The following KLF12 variants were observed in gnomAD, a reference collection of about 807,000 sequenced individuals.
KLF12 encodes KLF transcription factor 12, also known as Krueppel-like factor 12.
Under a neutral mutation model 37.8 loss-of-function variants are expected in KLF12, and 9 were observed. The observed-to-expected ratio is 0.24, with a 90% confidence interval of 0.14 to 0.42. The LOEUF (loss-of-function observed/expected upper bound fraction) is 0.42, where lower values mean the gene tolerates loss of function less well. KLF12 is among the 10% of genes least tolerant of loss of function. KLF12 has a pLI of 1.00. For synonymous variants in KLF12, 208 were observed against 202.1 expected, an observed-to-expected ratio of 1.03 and a Z score of -0.25; for missense variants, 411 against 516.0, an observed-to-expected ratio of 0.80 and a Z score of 1.97.
chr13:74,275,807 CTTCTTTCTTTCTTTCTTTCT>C, the KLF12 span, among the ~76,000 whole-genome samples: 23 of 50,308 alleles, frequency 4.6e-4, no homozygotes, highest in Admixed American at 7.1e-4. Flanking sequence ...TCTTTCTTTC[CTTCTTTCTTTCTTTCTTTCT>C]TTCTTTCTTT....
At chr13:74,268,359 G>A in the KLF12 span, among the ~76,000 whole-genome samples, 2,325 of 152,170 alleles carry the variant, frequency 0.015, 66 homozygotes, top group African/African-American at 0.052. Flanking sequence ...TGTTTTTTCT[G>A]CCTATTATAT....
intron 3 of KLF12, among the ~76,000 whole-genome samples, chr13:73,876,161 A>G (rs1302318061): frequency 6.6e-6 from 1 of 152,204 alleles, no homozygotes; most frequent in Admixed American, 6.5e-5. Context: ...ATAAAAAAAA[A>G]AAAAAAAGGT....
At chr13:74,128,141 A>C (rs1319280198) in intron 1 of KLF12, among the ~76,000 whole-genome samples, 1 of 152,196 alleles carries the variant, frequency 6.6e-6, no homozygotes, top group Non-Finnish European at 1.5e-5. Context: ...CCTGTATTAT[A>C]TAAATGTTAA....
chr13:74,219,295 C>T, the KLF12 span, among the ~76,000 whole-genome samples: 8 of 152,210 alleles, frequency 5.3e-5, no homozygotes, highest in Non-Finnish European at 1.2e-4. Context: ...CCACATGAAA[C>T]ATAATGACCC....
At chr13:74,171,520 C>A in the KLF12 span, among the ~76,000 whole-genome samples, 195 of 152,292 alleles carry the variant, frequency 1.3e-3, no homozygotes, top group African/African-American at 4.5e-3. Flanking sequence ...ACATCTTTGC[C>A]TGTGGAGGCA....
chr13:74,026,160 A>G (rs894533701), intron 1 of KLF12, among the ~76,000 whole-genome samples: 1 of 150,482 alleles, frequency 6.6e-6, no homozygotes, highest in Non-Finnish European at 1.5e-5. Context: ...TTTTGAAGAA[A>G]AAAAAAAAAA....
At chr13:73,867,151 G>T (rs1464232049) in intron 3 of KLF12, among the ~76,000 whole-genome samples, 2 of 152,006 alleles carry the variant, frequency 1.3e-5, no homozygotes, top group Non-Finnish European at 2.9e-5. Context: ...AGTTTTTATG[G>T]TTTTAAAATT....
chr13:74,155,792 C>A, the KLF12 span, among the ~76,000 whole-genome samples: 50 of 152,178 alleles, frequency 3.3e-4, no homozygotes, highest in African/African-American at 1.2e-3. Flanking sequence ...CCTTTCCTTT[C>A]TTTTCTTCGG....
chr13:73,776,402 A>G (rs1458837181), intron 5 of KLF12, among the ~76,000 whole-genome samples: 2 of 152,218 alleles, frequency 1.3e-5, no homozygotes, highest in East Asian at 1.9e-4. Context: ...AGGCCTTGGC[A>G]TCTGAGTGTA....
At chr13:74,280,694 C>A in the KLF12 span, among the ~76,000 whole-genome samples, 1 of 152,180 alleles carries the variant, frequency 6.6e-6, no homozygotes, top group Non-Finnish European at 1.5e-5. Context: ...GTGAAAGAAC[C>A]TTTGGTTTTC....
At chr13:74,053,441 T>G (rs1003867366) in intron 1 of KLF12, among the ~76,000 whole-genome samples, 108 of 152,294 alleles carry the variant, frequency 7.1e-4, no homozygotes, top group Middle Eastern at 3.4e-3. Flanking sequence ...GTCCTTCCCA[T>G]GTATTAATTA....
chr13:73,820,205 T>C (rs961435349), intron 4 of KLF12, among the ~76,000 whole-genome samples: 3 of 152,200 alleles, frequency 2.0e-5, no homozygotes, highest in Non-Finnish European at 4.4e-5. Flanking sequence ...GAATCATCTA[T>C]GACATTAACA....
At chr13:73,917,210 C>T (rs1330815101) in intron 3 of KLF12, among the ~76,000 whole-genome samples, 1 of 152,146 alleles carries the variant, frequency 6.6e-6, no homozygotes, top group Admixed American at 6.5e-5. Flanking sequence ...AAAATGATTA[C>T]TTTATAAATG....
chr13:73,787,921 G>A (rs1881454486), intron 5 of KLF12, among the ~76,000 whole-genome samples: 1 of 152,062 alleles, frequency 6.6e-6, no homozygotes, highest in South Asian at 2.1e-4. Context: ...AAGGAAGTCA[G>A]GGAAAAGAGA....
In KLF12 at chr13:73,762,005, G is replaced by T. The variant is rs558888483; in HGVS notation, c.869+2933C>A. Among the ~76,000 whole-genome samples, 118 of 152,330 alleles carry T rather than the reference G, an allele frequency of 7.7e-4. 4 individuals carry two copies. The South Asian group carries it at 0.023, about 29-fold the overall frequency. ...AAACTTTCTGATGAACAGAGTTTAT[G>T]TCTGGCCTGGCTTGCTACCTTTAAT... On this transcript the variant is annotated intron_variant, in intron 6 of 7. Coordinates refer to ENST00000377669, the MANE Select transcript of KLF12 (RefSeq NM_007249.5).
At chr13:73,919,938 T>C (rs75148894) in intron 3 of KLF12, among the ~76,000 whole-genome samples, 2,249 of 152,268 alleles carry the variant, frequency 0.015, 54 homozygotes, top group African/African-American at 0.049. Flanking sequence ...CTGAATTTTC[T>C]CAACTTATAG....
the KLF12 span, among the ~76,000 whole-genome samples, chr13:74,201,182 A>G: frequency 1.3e-5 from 2 of 152,312 alleles, no homozygotes; most frequent in African/African-American, 4.8e-5. Context: ...AGTAGGATAC[A>G]AGGAGAGATG....
At chr13:73,831,027 C>T (rs113741069) in intron 4 of KLF12, among the ~76,000 whole-genome samples, 17 of 83,748 alleles carry the variant, frequency 2.0e-4, no homozygotes, top group African/African-American at 6.6e-4. Context: ...CACACACACG[C>T]ATACTTATTT....
At chr13:73,941,098 T>C (rs145391692) in intron 3 of KLF12, among the ~76,000 whole-genome samples, 1 of 152,364 alleles carries the variant, frequency 6.6e-6, no homozygotes, top group African/African-American at 2.4e-5. Context: ...TAGTATCTAT[T>C]TCTTAAAGAC....
Sources: gnomAD v4.1 joint callset for allele counts (sites outside exome capture counted in the v4.1 genomes callset) on GRCh38, gnomAD v4.1.1 for gene constraint, MANE v1.5 for transcripts, NCBI Gene and HGNC (gene_info 2026-07-23, HGNC 2026-07-21) for gene names.